Variants in BCL7A observed in about 807,000 individuals in gnomAD.
The protein encoded by BCL7A is B-cell CLL/lymphoma 7 protein family member A.
BCL7A carries 11 observed loss-of-function variants against 28.4 expected under a neutral mutation model. The observed-to-expected ratio is 0.39, with a 90% CI of 0.24 to 0.64. The LOEUF (loss-of-function observed/expected upper bound fraction) is 0.64, where lower values mean the gene tolerates loss of function less well. BCL7A is among the 30% of genes least tolerant of loss of function. The pLI, the probability that BCL7A is intolerant of heterozygous loss-of-function variation, is 0.50. For synonymous variants in BCL7A, 123 were observed against 103.3 expected (o/e 1.19, Z -1.15); for missense variants, 222 against 274.8 (o/e 0.81, Z 1.36).
intron 4 of BCL7A, among the ~76,000 whole-genome samples, chr12:122,051,224 C>A (rs984348281): frequency 2.0e-5 from 3 of 152,188 alleles, no homozygotes; most frequent in African/African-American, 7.2e-5. Flanking sequence ...CCACCCCAGG[C>A]CCCTGGGCCT....
chr12:122,049,683 A>G (rs1398636453), intron 4 of BCL7A, among the ~76,000 whole-genome samples: 2 of 152,170 alleles, frequency 1.3e-5, no homozygotes, highest in East Asian at 3.8e-4. Flanking sequence ...TGACTGTGCC[A>G]TAATTTATGT....
chr12:122,054,128 A>G (rs2135860117), intron 4 of BCL7A, among the ~76,000 whole-genome samples: 1 of 152,314 alleles, frequency 6.6e-6, no homozygotes, highest in South Asian at 2.1e-4. Context: ...TCTGTCACCC[A>G]AGCTTTAGTG....
Position 122,060,831 on chromosome 12 carries a change from G to A in BCL7A, c.*1668G>A, listed in dbSNP as rs1186313000. The A allele has an allele frequency of 8.9e-6, 2 of 224,500 alleles. No individual in the cohort carries two copies. Among genetic ancestry groups the A allele is most frequent in the African/African-American group, 2.3e-5 (1 of 43,916 alleles). The allele number at this position is 224,500 out of a possible 1,614,324, so 13.9% of individuals were successfully genotyped here. ...GGATCCTGTCTATTTCCTGCACTTCGAGAAGAATCAAAATGTTCCTGAATT... is the reference window on the plus strand; with the variant it reads ...GGATCCTGTCTATTTCCTGCACTTCAAGAAGAATCAAAATGTTCCTGAATT... On this transcript the variant is annotated 3_prime_UTR_variant, in exon 6 of 6. Transcript: ENST00000261822.
Position 122,034,699 on chromosome 12 carries a change from G to A in BCL7A, c.175-632G>A, listed in dbSNP as rs940488995. Among the ~76,000 whole-genome samples the A allele has an allele frequency of 2.7e-5, 4 of 150,542 alleles. No homozygotes were observed. The East Asian group carries it at 5.9e-4, about 22-fold the overall frequency. ...GGAGCTTGCAGTGAGCCATGATCAC[G>A]CCACTGCACTCTAGCCTGGGTGACA... On this transcript the variant is annotated intron_variant, in intron 2 of 5. Transcript: ENST00000261822.
intron 1 of BCL7A, among the ~76,000 whole-genome samples, chr12:122,024,211 C>A (rs1883557009): frequency 6.6e-6 from 1 of 152,216 alleles, no homozygotes; most frequent in African/African-American, 2.4e-5. Flanking sequence ...CCTCTGAAGA[C>A]CTCAGGCTTT....
chr12:122,045,123 G>A (rs965157574), intron 4 of BCL7A, among the ~76,000 whole-genome samples: 1 of 152,084 alleles, frequency 6.6e-6, no homozygotes, highest in Non-Finnish European at 1.5e-5. Flanking sequence ...GCTCACGCCT[G>A]TAATCCCAGC....
At chr12:122,047,212 T>C (rs1339639153) in intron 4 of BCL7A, among the ~76,000 whole-genome samples, 1 of 151,690 alleles carries the variant, frequency 6.6e-6, no homozygotes, top group African/African-American at 2.4e-5. Flanking sequence ...TATTTCTTGG[T>C]TTTTGTTTGT....
At chr12:122,025,128 AGGGTTTGGGGG>A in intron 1 of BCL7A, among the ~76,000 whole-genome samples, 1 of 152,252 alleles carries the variant, frequency 6.6e-6, no homozygotes, top group Middle Eastern at 3.4e-3. Flanking sequence ...AAACTGGGCC[AGGGTTTGGGGG>A]CCCTGTGCTG....
At chr12:122,032,874 G>C (rs756489901) in intron 2 of BCL7A, among the ~76,000 whole-genome samples, 2 of 152,154 alleles carry the variant, frequency 1.3e-5, no homozygotes, top group Non-Finnish European at 2.9e-5. Flanking sequence ...CTAGGGCGAT[G>C]GTTCTCGGCC....
At chr12:122,025,379 A>T (rs1328681776) in intron 1 of BCL7A, among the ~76,000 whole-genome samples, 2 of 152,112 alleles carry the variant, frequency 1.3e-5, no homozygotes, top group Middle Eastern at 3.4e-3. Flanking sequence ...TAATTTCAGC[A>T]CTCTGGGAGG....
chr12:122,048,275 A>G lies in BCL7A; in HGVS notation c.439+4222A>G, dbSNP rs79737294. On this transcript the variant is annotated intron_variant, in intron 4 of 5. Coordinates refer to ENST00000261822, the MANE Select transcript of BCL7A (RefSeq NM_001024808.3). ...TGAAGAGAGTATTTCTTAACATTTT[A>G]TTTGTGAAGCTTATCTATGTCTGAA... Among the ~76,000 whole-genome samples, 589 of 151,870 alleles carry G rather than the reference A, an allele frequency of 3.9e-3. 5 individuals carry two copies. The highest frequency in any genetic ancestry group is 0.014 in the African/African-American group (559 of 41,382).
At chr12:122,054,744 C>T in intron 4 of BCL7A, 61 bp from the exon 5 acceptor site, 2 of 1,539,656 alleles carry the variant, frequency 1.3e-6, no homozygotes, top group Non-Finnish European at 1.8e-6. Context: ...AGTATTTGGC[C>T]CCACCGGCCC....
At chr12:122,031,683 G>A (rs2135843013) in intron 2 of BCL7A, among the ~76,000 whole-genome samples, 1 of 152,282 alleles carries the variant, frequency 6.6e-6, no homozygotes, top group East Asian at 1.9e-4. Context: ...CTGGTGAGTG[G>A]AGCTGCTGGT....
rs1951928042 is a variant in BCL7A at position 122,062,025 on chromosome 12, T to C, written c.*2862T>C. ...TGTACAATTGTTTCATTTCAGAAAA[T>C]AAAAATTTCAAATCATGAATACCTT... is the stretch of plus-strand genomic sequence containing the variant. On this transcript the variant is annotated 3_prime_UTR_variant, in exon 6 of 6. Coordinates refer to ENST00000261822, the MANE Select transcript of BCL7A (RefSeq NM_001024808.3). The C allele has an allele frequency of 5.5e-6, 1 of 182,174 alleles. No individual in the cohort carries two copies. The highest frequency in any genetic ancestry group is 2.4e-5 in the African/African-American group (1 of 42,292). The allele number at this position is 182,174 out of a possible 1,614,324, so 11.3% of individuals were successfully genotyped here.
rs1346552520 is a variant in BCL7A, at chr12:122,060,919, A to C, written c.*1756A>C. 1 of 226,984 alleles carries C rather than the reference A, an allele frequency of 4.4e-6. No individual in the cohort carries two copies. The highest frequency in any genetic ancestry group is 2.2e-5 in the African/African-American group (1 of 44,946). The allele number at this position is 226,984 out of a possible 1,614,324, so 14.1% of individuals were successfully genotyped here. A position where few individuals can be genotyped will look rare whatever the true frequency, so the allele number is the denominator to read the frequency against. ...AAAAAAAAAAAACCACAACTTTGAA[A>C]ATCTTAATGTTGAAGTTAGCAATGC... On this transcript the variant is annotated 3_prime_UTR_variant, in exon 6 of 6. Coordinates refer to ENST00000261822, the MANE Select transcript of BCL7A (RefSeq NM_001024808.3).
chr12:122,060,157 G>C lies in BCL7A; in HGVS notation c.*994G>C. 4.3e-6 allele frequency: 1 copy of C among 233,012 alleles called. No individual in the cohort carries two copies. The allele number at this position is 233,012 out of a possible 1,614,324, so 14.4% of individuals were successfully genotyped here. On this transcript the variant is annotated 3_prime_UTR_variant, in exon 6 of 6. Coordinates refer to ENST00000261822, the MANE Select transcript of BCL7A (RefSeq NM_001024808.3). ...GCTGAACTTTCTCTCATAGGACGTC[G>C]CTTGGATTTCAAATCCACGGTCACC...
rs868323096 is a variant in BCL7A, at chr12:122,061,103, G to A, written c.*1940G>A. On this transcript the variant is annotated 3_prime_UTR_variant, in exon 6 of 6. Transcript: ENST00000261822. Reference sequence around the variant, plus strand: ...CGAGGCGGCGTTACCTCCAGATTCCGTAGAGTTAGAGTCACATTTTTCTTT... The same window carrying A: ...CGAGGCGGCGTTACCTCCAGATTCCATAGAGTTAGAGTCACATTTTTCTTT... The A allele has an allele frequency of 6.6e-5, 15 of 225,624 alleles. No individual in the cohort carries two copies. Among genetic ancestry groups the A allele is most frequent in the Admixed American group, 4.0e-4 (7 of 17,504 alleles). The allele number at this position is 225,624 out of a possible 1,614,324, so 14.0% of individuals were successfully genotyped here.
At chr12:122,024,455 GTT>G (rs1246502202) in intron 1 of BCL7A, among the ~76,000 whole-genome samples, 2 of 80,980 alleles carry the variant, frequency 2.5e-5, no homozygotes, top group Non-Finnish European at 4.8e-5. Context: ...TGGCTTTGAG[GTT>G]TTTTGTTTTT....
Position 122,029,806 on chromosome 12 carries a change from CG to C in BCL7A, c.93-892del. 6.6e-6 allele frequency among the ~76,000 whole-genome samples: 1 copy of C among 152,134 alleles called. No individual in the cohort carries two copies. Among genetic ancestry groups the C allele is most frequent in the South Asian group, 2.1e-4 (1 of 4,818 alleles). On this transcript the variant is annotated intron_variant, in intron 1 of 5. Coordinates refer to ENST00000261822, the MANE Select transcript of BCL7A (RefSeq NM_001024808.3). This position sits in a 1 kb window ranked among gnomAD's most constrained non-coding sequence, Gnocchi z 4.3. ...GTCTTCGTGGCGGTAAGGGACAAGT[CG>C]GAGTGCAGGGGGTCAAGGACAGGAG...
Sources: gnomAD v4.1 joint callset for allele counts (sites outside exome capture counted in the v4.1 genomes callset) on GRCh38, gnomAD v4.1.1 for gene constraint, Gnocchi (gnomAD v3.1) non-coding constraint, MANE v1.5 for transcripts, NCBI Gene and HGNC (gene_info 2026-07-23, HGNC 2026-07-21) for gene names.